The following GPC3 variants were observed in gnomAD, a reference collection of about 807,000 sequenced individuals.
GPC3 encodes glypican-3.
A neutral mutation model predicts 34.4 loss-of-function variants in GPC3; 3 were observed. The ratio of observed to expected loss-of-function variants is 0.09; its 90% confidence interval spans 0.04 to 0.23. GPC3 has a LOEUF of 0.23. Ranked by LOEUF, GPC3 falls within the 10% of genes least tolerant of loss-of-function variation. GPC3 has a pLI of 1.00. For missense variants in GPC3, 351 were observed against 445.6 expected (o/e 0.79, Z 1.91); for synonymous variants, 177 against 174.0 (o/e 1.02, Z -0.13).
At chrX:133,669,603 A>C (rs1185953234) in intron 5 of GPC3, among the ~76,000 whole-genome samples, 1 of 112,032 alleles carries the variant, frequency 8.9e-6, no homozygotes, top group African/African-American at 3.2e-5. Flanking sequence ...GAATGGGGAC[A>C]CTGTTGGCCA....
At chrX:133,689,011 T>G (rs1016045104) in intron 5 of GPC3, among the ~76,000 whole-genome samples, 1 of 111,251 alleles carries the variant, frequency 9.0e-6, no homozygotes, top group African/African-American at 3.3e-5. Flanking sequence ...AAGTACAAGT[T>G]AATTATAACC....
intron 6 of GPC3, among the ~76,000 whole-genome samples, chrX:133,621,646 C>A (rs190168462): frequency 6.2e-5 from 7 of 112,124 alleles, no homozygotes; most frequent in African/African-American, 2.3e-4. Flanking sequence ...GTAAACAAAG[C>A]GGCCAGGAAG....
chrX:133,963,716 A>G (rs1310691583), intron 1 of GPC3, among the ~76,000 whole-genome samples: 2 of 111,834 alleles, frequency 1.8e-5, no homozygotes, highest in Non-Finnish European at 3.8e-5. Flanking sequence ...TCATTGGTAT[A>G]CCTTTCTTAT....
At chrX:133,782,442 T>C (rs1283646122) in intron 2 of GPC3, among the ~76,000 whole-genome samples, 3 of 112,098 alleles carry the variant, frequency 2.7e-5, no homozygotes, top group Non-Finnish European at 5.6e-5. Context: ...GTCAGTTACC[T>C]CTGGAAGCAC....
At chrX:133,813,044 G>A (rs1258316258) in intron 2 of GPC3, among the ~76,000 whole-genome samples, 1 of 112,891 alleles carries the variant, frequency 8.9e-6, no homozygotes, top group African/African-American at 3.2e-5. Context: ...TTTTACCTGA[G>A]AAACTCTCTT....
At chrX:133,804,320 C>T (rs901096665) in intron 2 of GPC3, among the ~76,000 whole-genome samples, 1 of 110,897 alleles carries the variant, frequency 9.0e-6, no homozygotes, top group Non-Finnish European at 1.9e-5. Flanking sequence ...AGGCGGGGAT[C>T]GAGCCCCATT....
chrX:133,795,536 G>T (rs965310922), intron 2 of GPC3, among the ~76,000 whole-genome samples: 4 of 111,306 alleles, frequency 3.6e-5, no homozygotes, highest in African/African-American at 9.8e-5. Context: ...AAGATAGATT[G>T]TCATGAAAAC....
At chrX:133,729,285 T>C (rs1376097671) in intron 3 of GPC3, among the ~76,000 whole-genome samples, 1 of 111,382 alleles carries the variant, frequency 9.0e-6, no homozygotes, top group Non-Finnish European at 1.9e-5. Context: ...AAAAGGACCC[T>C]ATTCCCTCCA....
chrX:133,879,031 T>G (rs1009787110), intron 2 of GPC3, among the ~76,000 whole-genome samples: 2 of 110,840 alleles, frequency 1.8e-5, no homozygotes, highest in African/African-American at 6.6e-5. Context: ...ATAAGACAAA[T>G]ATAGGGAATC....
intron 3 of GPC3, among the ~76,000 whole-genome samples, chrX:133,736,602 T>C (rs2071513199): frequency 8.9e-6 from 1 of 112,364 alleles, no homozygotes. Context: ...ACATGCTAAC[T>C]GAAAGAGGCA....
At chrX:133,628,655 C>CAA (rs374067368) in intron 6 of GPC3, among the ~76,000 whole-genome samples, 1 of 79,455 alleles carries the variant, frequency 1.3e-5, no homozygotes. Flanking sequence ...GACTCTGTCT[C>CAA]AAAAAAAAAA....
chrX:133,658,834 C>T (rs1210413001), intron 6 of GPC3, among the ~76,000 whole-genome samples: 2 of 111,997 alleles, frequency 1.8e-5, no homozygotes, highest in African/African-American at 6.5e-5. Flanking sequence ...ATGTACATCT[C>T]CCTACCTGTC....
rs1322084499 is a variant in GPC3 at position 133,872,235 on chromosome X, A to AT, written c.337+80814dup. On this transcript the variant is annotated intron_variant, in intron 2 of 7. Coordinates refer to ENST00000370818, the MANE Select transcript of GPC3 (RefSeq NM_004484.4). ...TTTCAAGTACTCATAAACCCCATGTATTTTTTTTTTCTCTGAGGTTCGGGC... is the reference window on the plus strand; with the variant it reads ...TTTCAAGTACTCATAAACCCCATGTATTTTTTTTTTTCTCTGAGGTTCGGGC... Among the ~76,000 whole-genome samples, 495 of 108,286 alleles carry AT rather than the reference A, an allele frequency of 4.6e-3. 2 individuals carry two copies. Among genetic ancestry groups the AT allele is most frequent in the African/African-American group, 0.016 (466 of 29,894 alleles). The allele number at this position is 108,286 out of a possible 115,157, so 94.0% of individuals were successfully genotyped here.
intron 7 of GPC3, among the ~76,000 whole-genome samples, chrX:133,567,070 A>G (rs1461096422): frequency 8.9e-6 from 1 of 112,039 alleles, no homozygotes; most frequent in Non-Finnish European, 1.9e-5. Flanking sequence ...GTATTTCTCC[A>G]ATGTTCCTCC....
chrX:133,841,403 C>T (rs563619229), intron 2 of GPC3, among the ~76,000 whole-genome samples: 14 of 106,292 alleles, frequency 1.3e-4, no homozygotes, highest in East Asian at 8.8e-4. Context: ...TGACATTTGC[C>T]CACACTGAAA....
chrX:133,782,955 G>A (rs1235936358), intron 2 of GPC3, among the ~76,000 whole-genome samples: 2 of 111,174 alleles, frequency 1.8e-5, no homozygotes, highest in Non-Finnish European at 3.8e-5. Flanking sequence ...GAGCTCATTA[G>A]GCCAGCAGAG....
At chrX:133,622,624 G>A (rs2070246963) in intron 6 of GPC3, among the ~76,000 whole-genome samples, 1 of 111,824 alleles carries the variant, frequency 8.9e-6, no homozygotes, top group African/African-American at 3.3e-5. Flanking sequence ...AGAAAAAAGA[G>A]TAAAAAGAAA....
At chrX:133,766,106 C>T (rs141752515) in intron 2 of GPC3, among the ~76,000 whole-genome samples, 86 of 111,855 alleles carry the variant, frequency 7.7e-4, no homozygotes, top group African/African-American at 2.6e-3. Flanking sequence ...ACTCATACCA[C>T]AGTCTCTAAA....
At chrX:133,850,189 G>GTTTTTTTTTT (rs1282213093) in intron 2 of GPC3, among the ~76,000 whole-genome samples, 1 of 72,671 alleles carries the variant, frequency 1.4e-5, no homozygotes, top group Admixed American at 1.4e-4. Context: ...TGTTTTTTGG[G>GTTTTTTTTTT]TTTTGTTTTT....
Sources: gnomAD v4.1 joint callset for allele counts (sites outside exome capture counted in the v4.1 genomes callset) on GRCh38, gnomAD v4.1.1 for gene constraint, MANE v1.5 for transcripts, NCBI Gene and HGNC (gene_info 2026-07-23, HGNC 2026-07-21) for gene names.